SAXO1: variants seen among roughly 807,000 people sequenced by gnomAD.
SAXO1 encodes the protein stabilizer of axonemal microtubules 1.
In SAXO1, 21 loss-of-function variants were observed where a neutral mutation model predicts 17.5. That is an observed-to-expected ratio of 1.20 (90% CI 0.85 to 1.72). The LOEUF (loss-of-function observed/expected upper bound fraction) is 1.72. Among genes scored for constraint, SAXO1 ranks in the 40% most tolerant of loss-of-function variants. The pLI, the probability that SAXO1 is intolerant of heterozygous loss-of-function variation, is 0.00. For missense variants in SAXO1, 843 were observed against 596.0 expected (o/e 1.41, Z -4.32); for synonymous variants, 274 against 216.5 (o/e 1.27, Z -2.33).
At chr9:18,982,216 C>A (rs1209406508) in intron 1 of SAXO1, among the ~76,000 whole-genome samples, 1 of 152,190 alleles carries the variant, frequency 6.6e-6, no homozygotes, top group Admixed American at 6.5e-5. Flanking sequence ...CAGTTGCCCC[C>A]AAATCTAGAG....
intron 3 of SAXO1, among the ~76,000 whole-genome samples, chr9:18,935,512 A>C (rs1247059755): frequency 6.6e-6 from 1 of 152,172 alleles, no homozygotes; most frequent in Admixed American, 6.5e-5. Flanking sequence ...AGCCTTGCCC[A>C]TGTGCACAGC....
chr9:19,047,375 A>G (rs763460504), intron 1 of SAXO1, among the ~76,000 whole-genome samples: 34 of 152,290 alleles, frequency 2.2e-4, no homozygotes, highest in Middle Eastern at 3.4e-3. Flanking sequence ...AAAAAAAAGA[A>G]AAAAAATACA....
At chr9:19,004,225 C>G (rs1173002361) in intron 1 of SAXO1, among the ~76,000 whole-genome samples, 2 of 152,164 alleles carry the variant, frequency 1.3e-5, no homozygotes, top group Non-Finnish European at 2.9e-5. Context: ...ATTAAAAAGT[C>G]AGGAAACAAC....
intron 3 of SAXO1, among the ~76,000 whole-genome samples, chr9:18,938,185 T>C (rs933623685): frequency 3.5e-4 from 54 of 152,302 alleles, no homozygotes; most frequent in African/African-American, 1.3e-3. Context: ...TTAAGGAAAC[T>C]GAGGAAGAAA....
intron 1 of SAXO1, among the ~76,000 whole-genome samples, chr9:18,965,232 G>A (rs1832667458): frequency 6.6e-6 from 1 of 152,216 alleles, no homozygotes; most frequent in South Asian, 2.1e-4. Flanking sequence ...TGTATATTCT[G>A]TTGATTTGGA....
chr9:18,935,586 G>C (rs1381468226), intron 3 of SAXO1, among the ~76,000 whole-genome samples: 2 of 152,100 alleles, frequency 1.3e-5, no homozygotes, highest in East Asian at 3.8e-4. Flanking sequence ...TTGCCCTTTA[G>C]TCTGCACACA....
At chr9:19,008,926 C>T (rs763450449) in intron 1 of SAXO1, among the ~76,000 whole-genome samples, 2 of 152,142 alleles carry the variant, frequency 1.3e-5, no homozygotes, top group Non-Finnish European at 2.9e-5. Flanking sequence ...ATCACAGCAC[C>T]GGAAGTTCAT....
At chr9:18,971,288 C>T (rs1247062703) in intron 1 of SAXO1, among the ~76,000 whole-genome samples, 1 of 152,044 alleles carries the variant, frequency 6.6e-6, no homozygotes, top group Non-Finnish European at 1.5e-5. Context: ...TTCCCCATGC[C>T]CCACTGCTGC....
Position 19,027,935 on chromosome 9 carries a change from C to T in SAXO1, c.38+4936G>A, listed in dbSNP as rs878989658. The T allele has an allele frequency of 3.5e-6, 5 of 1,425,462 alleles. No homozygotes were observed. The South Asian group carries it at 4.7e-5, about 13-fold the overall frequency. 88.3% of individuals were successfully genotyped at this position (1,425,462 alleles called of 1,614,324 possible). A position where few individuals can be genotyped will look rare whatever the true frequency, so the allele number is the denominator to read the frequency against. The stretch of plus-strand genomic sequence containing the variant: ...TGCAGATCCACTCCCAAAAGATGAA[C>T]GTCAGTCCTGACGTGAACTGCGAGG... On this transcript the variant is annotated intron_variant, in intron 1 of 3. Transcript: ENST00000380534.
At chr9:19,015,076 C>A (rs1390590149) in intron 1 of SAXO1, among the ~76,000 whole-genome samples, 3 of 152,114 alleles carry the variant, frequency 2.0e-5, no homozygotes, top group Non-Finnish European at 2.9e-5. Flanking sequence ...GCTGGTGTCA[C>A]GTGTCAAAGC....
At chr9:18,955,530 G>A (rs1832223362) in intron 1 of SAXO1, among the ~76,000 whole-genome samples, 1 of 152,126 alleles carries the variant, frequency 6.6e-6, no homozygotes, top group Admixed American at 6.5e-5. Context: ...TAAAAGTGTA[G>A]GAAAGATAAA....
intron 1 of SAXO1, among the ~76,000 whole-genome samples, chr9:18,981,845 A>G (rs1416273366): frequency 6.6e-6 from 1 of 152,226 alleles, no homozygotes; most frequent in African/African-American, 2.4e-5. Context: ...AAGTGCCAGA[A>G]CCAAGATTTC....
At chr9:18,972,098 T>C (rs1244270613) in intron 1 of SAXO1, among the ~76,000 whole-genome samples, 1 of 152,204 alleles carries the variant, frequency 6.6e-6, no homozygotes, top group Non-Finnish European at 1.5e-5. Flanking sequence ...ATGCAGAGGA[T>C]TTAAAGAGCA....
At position 18,941,663 on chromosome 9, in the gene SAXO1, T is replaced by G; in HGVS notation, c.395A>C (p.Lys132Thr). ...PRDSKYPCSDKMECLPTYKAD... is the reference protein window; with the variant it reads ...PRDSKYPCSDTMECLPTYKAD... Reference sequence around the variant, plus strand: ...TTTATAAGTAGGCAAACACTCCATCTTGTCGCTACATGGATATTTACTGTC... The same window carrying G: ...TTTATAAGTAGGCAAACACTCCATCGTGTCGCTACATGGATATTTACTGTC... Residue 132 changes from lysine (K) to threonine (T), a missense_variant, in exon 3 of 4, where the codon AAG (lysine) becomes ACG (threonine). Transcript: ENST00000380534. 1 of 1,614,204 alleles carries G rather than the reference T, an allele frequency of 6.2e-7. No homozygotes were observed. Among genetic ancestry groups the G allele is most frequent in the Non-Finnish European group, 8.5e-7 (1 of 1,180,034 alleles).
chr9:19,029,659 C>A (rs1218153497), intron 1 of SAXO1, among the ~76,000 whole-genome samples: 2 of 152,128 alleles, frequency 1.3e-5, no homozygotes, highest in Non-Finnish European at 2.9e-5. Context: ...CAGAACTTTC[C>A]GCAGTGATGG....
chr9:18,960,162 A>G (rs1227908508), intron 1 of SAXO1, among the ~76,000 whole-genome samples: 1 of 152,210 alleles, frequency 6.6e-6, no homozygotes, highest in African/African-American at 2.4e-5. Flanking sequence ...TCTGTGAAAA[A>G]TATTTAGATT....
intron 1 of SAXO1, among the ~76,000 whole-genome samples, chr9:18,958,599 G>T (rs371964942): frequency 6.6e-6 from 1 of 151,968 alleles, no homozygotes; most frequent in African/African-American, 2.4e-5. Flanking sequence ...ACTAGCAGTC[G>T]CTGCCTGAGT....
chr9:19,013,709 G>T (rs1437080170), intron 1 of SAXO1, among the ~76,000 whole-genome samples: 1 of 151,842 alleles, frequency 6.6e-6, no homozygotes, highest in Non-Finnish European at 1.5e-5. Flanking sequence ...ACCATGCCTG[G>T]CTAATTTTTG....
At chr9:18,999,417 C>G (rs1175915314) in intron 1 of SAXO1, among the ~76,000 whole-genome samples, 1 of 152,104 alleles carries the variant, frequency 6.6e-6, no homozygotes. Context: ...AGCCGCCCCA[C>G]CATCTGGGAA....
Sources: allele counts gnomAD v4.1 joint callset (sites outside exome capture counted in the v4.1 genomes callset), GRCh38; gene constraint gnomAD v4.1.1; transcripts MANE v1.5; gene names NCBI Gene and HGNC (gene_info 2026-07-23, HGNC 2026-07-21).